OXNAD1: variants seen among roughly 807,000 people sequenced by gnomAD.
OXNAD1 encodes the protein oxidoreductase NAD binding domain containing 1.
OXNAD1 carries 34 observed loss-of-function variants against 32.9 expected under a neutral mutation model. The observed-to-expected ratio is 1.03, with a 90% CI of 0.79 to 1.38. OXNAD1 has a LOEUF of 1.38. Ranked by LOEUF, OXNAD1 falls within the 40% of genes most tolerant of loss-of-function variation. The pLI is 0.00. For synonymous variants in OXNAD1, 134 were observed against 135.2 expected, an observed-to-expected ratio of 0.99 and a Z score of 0.06; for missense variants, 407 against 379.4, an observed-to-expected ratio of 1.07 and a Z score of -0.60.
In OXNAD1 at chr3:16,265,932, G is replaced by A; in HGVS notation, c.-159+427G>A. 1 of 980,668 alleles carries A rather than the reference G, an allele frequency of 1.0e-6. No individual in the cohort carries two copies. The highest frequency in any genetic ancestry group is 1.2e-6 in the Non-Finnish European group (1 of 825,588). 60.7% of individuals were successfully genotyped at this position (980,668 alleles called of 1,614,324 possible). A position where few individuals can be genotyped will look rare whatever the true frequency, so the allele number is the denominator to read the frequency against. ...GTTTATCAGTGTGAGGCCTATGTATGCCTTGAAGCGAAATGCAGATAAAAG... is the reference window on the plus strand; with the variant it reads ...GTTTATCAGTGTGAGGCCTATGTATACCTTGAAGCGAAATGCAGATAAAAG... On this transcript the variant is annotated intron_variant, in intron 1 of 8. Coordinates refer to ENST00000285083, the MANE Select transcript of OXNAD1 (RefSeq NM_138381.5). This position sits in a 1 kb window ranked among gnomAD's most constrained non-coding sequence, Gnocchi z 4.8.
At chr3:16,338,784 A>G (rs144629645), downstream of OXNAD1, among the ~76,000 whole-genome samples, 1 of 152,330 alleles carries the variant, frequency 6.6e-6, no homozygotes, top group East Asian at 1.9e-4. The surrounding 1 kb of genome is among the most constrained non-coding windows in gnomAD (Gnocchi z 5.3). Context: ...AAAAGAGAAA[A>G]GGGATTGAAA....
At chr3:16,311,184 AAAT>A (rs964066502) in intron 9 of OXNAD1, among the ~76,000 whole-genome samples, 7 of 117,148 alleles carry the variant, frequency 6.0e-5, no homozygotes, top group Admixed American at 2.0e-4. Flanking sequence ...CTTTTTTTAA[AAAT>A]ATTATATATT....
At position 16,303,788 on chromosome 3, in the gene OXNAD1, T is replaced by G. The variant is rs2067355259; in HGVS notation, c.*226T>G. On this transcript the variant is annotated 3_prime_UTR_variant, in exon 9 of 9. Coordinates refer to ENST00000285083, the MANE Select transcript of OXNAD1 (RefSeq NM_138381.5). This position sits in a 1 kb window ranked among gnomAD's most constrained non-coding sequence, Gnocchi z 4.8. Reference sequence around the variant, plus strand: ...TATTTTTTACTATACTGATTTTCTGTTATTAACAACGATTTAATTGTCTCA... The same window carrying G: ...TATTTTTTACTATACTGATTTTCTGGTATTAACAACGATTTAATTGTCTCA... 2 of 382,232 alleles carry G rather than the reference T, an allele frequency of 5.2e-6. No individual in the cohort carries two copies. The highest frequency in any genetic ancestry group is 8.5e-5 in the Admixed American group (2 of 23,476). The allele number at this position is 382,232 out of a possible 1,614,324, so 23.7% of individuals were successfully genotyped here. A position where few individuals can be genotyped will look rare whatever the true frequency, so the allele number is the denominator to read the frequency against.
chr3:16,349,306 A>G (rs1321996193), exon 10 of OXNAD1: 1 of 152,294 alleles, frequency 6.6e-6, no homozygotes, highest in African/African-American at 2.4e-5. Context: ...TCACCCTAAG[A>G]TAAAAGTTGG....
chr3:16,351,704 C>T (rs1030224534), downstream of OXNAD1, among the ~76,000 whole-genome samples: 3 of 152,138 alleles, frequency 2.0e-5, no homozygotes, highest in Admixed American at 1.3e-4. This position sits in a 1 kb window ranked among gnomAD's most constrained non-coding sequence, Gnocchi z 5.4. Flanking sequence ...GACCCATTAT[C>T]CTAATTACAT....
intron 9 of OXNAD1, among the ~76,000 whole-genome samples, chr3:16,343,349 T>C (rs777710777): frequency 6.6e-6 from 1 of 152,206 alleles, no homozygotes; most frequent in Non-Finnish European, 1.5e-5. Flanking sequence ...TTAGACCTAG[T>C]TTTTCCCTTA....
intron 9 of OXNAD1, among the ~76,000 whole-genome samples, chr3:16,324,612 G>GTCC (rs1270315325): frequency 7.0e-5 from 5 of 71,082 alleles, no homozygotes; most frequent in African/African-American, 1.2e-4. Context: ...GAATGTCCCT[G>GTCC]ACCCCCCCCC....
intron 4 of OXNAD1, among the ~76,000 whole-genome samples, chr3:16,278,714 A>G (rs929733498): frequency 2.0e-5 from 3 of 152,232 alleles, no homozygotes; most frequent in Non-Finnish European, 4.4e-5. Context: ...GTTTAGACGG[A>G]CAAGGCTTAA....
chr3:16,284,362 C>T lies in OXNAD1; in HGVS notation c.184-1980C>T, dbSNP rs372266338. On this transcript the variant is annotated intron_variant, in intron 4 of 8. Coordinates refer to ENST00000285083, the MANE Select transcript of OXNAD1 (RefSeq NM_138381.5). The surrounding 1 kb of genome is among the most constrained non-coding windows in gnomAD (Gnocchi z 4.1). The stretch of plus-strand genomic sequence containing the variant: ...GATGTTTTGATAAATGTGTCATTAG[C>T]TGATTGTCATTGTGCAGACATAGAG... 1.3e-5 allele frequency among the ~76,000 whole-genome samples: 2 copies of T among 151,702 alleles called. No individual in the cohort carries two copies. The highest frequency in any genetic ancestry group is 2.1e-4 in the South Asian group (1 of 4,818).
chr3:16,267,132 C>T (rs752122922), intron 1 of OXNAD1, among the ~76,000 whole-genome samples: 14 of 152,108 alleles, frequency 9.2e-5, no homozygotes, highest in Non-Finnish European at 8.8e-5. Flanking sequence ...TGTCAGTGTC[C>T]TCTCACACCC....
exon 10 of OXNAD1, chr3:16,350,198 T>C (rs375216301): frequency 6.6e-6 from 1 of 152,374 alleles, no homozygotes; most frequent in African/African-American, 2.4e-5. Context: ...TGTCAGCTTA[T>C]ACAGAATGAC....
Position 16,281,956 on chromosome 3 carries a change from C to CAGGCTCA in OXNAD1, c.184-4383_184-4377dup, listed in dbSNP as rs1217103818. 4.1e-5 allele frequency among the ~76,000 whole-genome samples: 6 copies of CAGGCTCA among 147,284 alleles called. No individual in the cohort carries two copies. In the East Asian group the frequency reaches 1.2e-3, roughly 29 times the overall value. On this transcript the variant is annotated intron_variant, in intron 4 of 8. Coordinates refer to ENST00000285083, the MANE Select transcript of OXNAD1 (RefSeq NM_138381.5). ...CTTGGCTCACTGCAGTCTTGACCTC[C>CAGGCTCA]AGGCTCAAGTGATCCTCCCACCTCA...
At position 16,288,967 on chromosome 3, in the gene OXNAD1, G is replaced by A. The variant is rs1278827212; in HGVS notation, c.290+2519G>A. Among the ~76,000 whole-genome samples the A allele has an allele frequency of 6.6e-6, 1 of 152,182 alleles. No homozygotes were observed. Among genetic ancestry groups the A allele is most frequent in the East Asian group, 1.9e-4 (1 of 5,202 alleles). ...GTGGGTAGCAGTGTATTGTCGCCTA[G>A]TGCCCTGGAGACTGCTCAGCTCACA... On this transcript the variant is annotated intron_variant, in intron 5 of 8. Transcript: ENST00000285083. The surrounding 1 kb of genome is among the most constrained non-coding windows in gnomAD (Gnocchi z 5.1).
rs111973730 is a variant in OXNAD1, at chr3:16,342,903, G to A, written c.*31-6273G>A. 0.018 allele frequency among the ~76,000 whole-genome samples: 2,701 copies of A among 152,274 alleles called. 77 individuals are homozygous for A. The highest frequency in any genetic ancestry group is 0.06 in the African/African-American group (2,511 of 41,542). On this transcript the variant is annotated intron_variant, in intron 9 of 9. Coordinates refer to the OXNAD1 transcript ENST00000606098. The surrounding 1 kb of genome is among the most constrained non-coding windows in gnomAD (Gnocchi z 4.0). The stretch of plus-strand genomic sequence containing the variant: ...CGAAGACCCACTGACTTTGAGTCTC[G>A]ATCTCAGCTCACTGCAGCCTCAACC...
At chr3:16,343,476 T>A (rs1298716025) in intron 9 of OXNAD1, among the ~76,000 whole-genome samples, 1 of 152,232 alleles carries the variant, frequency 6.6e-6, no homozygotes, top group African/African-American at 2.4e-5. Flanking sequence ...TGTCCAATTG[T>A]TTCCCACCAT....
chr3:16,309,078 T>G (rs1430441889), downstream of OXNAD1, among the ~76,000 whole-genome samples: 2 of 152,214 alleles, frequency 1.3e-5, no homozygotes, highest in African/African-American at 4.8e-5. Flanking sequence ...TTTTAGAAAT[T>G]TTATGGTATA....
intron 9 of OXNAD1, among the ~76,000 whole-genome samples, chr3:16,323,186 C>A (rs1275829681): frequency 6.6e-6 from 1 of 152,142 alleles, no homozygotes; most frequent in East Asian, 1.9e-4. Flanking sequence ...CAGACAAGGC[C>A]CTCCAGTCCC....
rs758752216 is a variant in OXNAD1, at chr3:16,301,720, CAGG to C, written c.533_535del (p.Gly178del). On this transcript the variant is annotated inframe_deletion, in exon 7 of 9. Transcript: ENST00000285083. This position sits in a 1 kb window ranked among gnomAD's most constrained non-coding sequence, Gnocchi z 4.1. ...GCCTCTAGAAACCTCGTGTTGATTG[CAGG>C]AGGAGTCGGAATTAACCCTCTGCTT... is the stretch of plus-strand genomic sequence containing the variant. 2.2e-5 allele frequency: 36 copies of C among 1,613,912 alleles called. No homozygotes were observed. Among genetic ancestry groups the C allele is most frequent in the Non-Finnish European group, 2.9e-5 (34 of 1,179,998 alleles).
intron 4 of OXNAD1, chr3:16,275,756 T>C (rs566367595): frequency 5.9e-6 from 1 of 168,914 alleles, no homozygotes; most frequent in African/African-American, 2.4e-5. Flanking sequence ...GTTTGATTAA[T>C]TGTGCTAAAT....
Sources: gnomAD v4.1 joint callset for allele counts (sites outside exome capture counted in the v4.1 genomes callset) on GRCh38, gnomAD v4.1.1 for gene constraint, Gnocchi (gnomAD v3.1) non-coding constraint, MANE v1.5 for transcripts, NCBI Gene and HGNC (gene_info 2026-07-23, HGNC 2026-07-21) for gene names.